The following RPTOR variants were observed in gnomAD, a reference collection of about 807,000 sequenced individuals.
RPTOR encodes regulatory associated protein of MTOR complex 1, also known as regulatory-associated protein of mTOR.
In RPTOR, 21 loss-of-function variants were observed where a neutral mutation model predicts 169.9. The observed-to-expected ratio is 0.12, with a 90% CI of 0.09 to 0.18. The LOEUF is 0.18. RPTOR is among the 10% of genes least tolerant of loss of function. The pLI is 1.00. For missense variants in RPTOR, 1,133 were observed against 1,855.9 expected (o/e 0.61, Z 7.16); for synonymous variants, 732 against 753.2 (o/e 0.97, Z 0.46).
intron 25 of RPTOR, among the ~76,000 whole-genome samples, chr17:80,941,540 G>A (rs980177807): frequency 3.9e-5 from 6 of 152,186 alleles, no homozygotes; most frequent in South Asian, 2.1e-4. Flanking sequence ...CCCTGCCCTC[G>A]CGGCCACAGG....
chr17:80,827,953 G>T (rs943217918), intron 9 of RPTOR, among the ~76,000 whole-genome samples: 1 of 152,220 alleles, frequency 6.6e-6, no homozygotes, highest in Non-Finnish European at 1.5e-5. Context: ...GTAGGGCCAG[G>T]CTGTGGCTCT....
At chr17:80,805,865 A>T (rs59153096) in intron 7 of RPTOR, among the ~76,000 whole-genome samples, 2 of 151,784 alleles carry the variant, frequency 1.3e-5, no homozygotes, top group African/African-American at 2.4e-5. Context: ...TTCTATAGTA[A>T]GTCAGGTAAA....
chr17:80,703,392 G>A (rs750020744), intron 3 of RPTOR, among the ~76,000 whole-genome samples: 19 of 152,132 alleles, frequency 1.2e-4, no homozygotes, highest in Non-Finnish European at 2.8e-4. Context: ...AAAGAGGCTG[G>A]CAGGCGCTCA....
chr17:80,663,418 A>G (rs1171127161), intron 3 of RPTOR, among the ~76,000 whole-genome samples: 1 of 152,188 alleles, frequency 6.6e-6, no homozygotes, highest in African/African-American at 2.4e-5. Context: ...TTGCAAAGCC[A>G]GGCAATCTGC....
chr17:80,684,254 A>G (rs2065918850), intron 3 of RPTOR, among the ~76,000 whole-genome samples: 1 of 151,804 alleles, frequency 6.6e-6, no homozygotes, highest in African/African-American at 2.4e-5. Flanking sequence ...TTCTTTTATG[A>G]GTATGTAAGT....
At chr17:80,858,306 C>A (rs2067878475) in intron 13 of RPTOR, among the ~76,000 whole-genome samples, 1 of 152,242 alleles carries the variant, frequency 6.6e-6, no homozygotes. Context: ...CGCATTGGCT[C>A]TCCTGTGCCC....
At chr17:80,897,073 C>T (rs967967036) in intron 20 of RPTOR, among the ~76,000 whole-genome samples, 2 of 149,170 alleles carry the variant, frequency 1.3e-5, no homozygotes, top group South Asian at 4.3e-4. Flanking sequence ...AAGACCATCC[C>T]GGCCAACATG....
intron 24 of RPTOR, among the ~76,000 whole-genome samples, chr17:80,937,930 T>C (rs980600553): frequency 6.6e-6 from 1 of 152,192 alleles, no homozygotes; most frequent in Non-Finnish European, 1.5e-5. Context: ...TCATAGCTGG[T>C]TGTCCTGACA....
chr17:80,834,863 T>G (rs1226566677), intron 9 of RPTOR, among the ~76,000 whole-genome samples: 2 of 152,352 alleles, frequency 1.3e-5, no homozygotes, highest in East Asian at 3.9e-4. Context: ...CCGGACACCC[T>G]CTCTGCCCTC....
intron 7 of RPTOR, among the ~76,000 whole-genome samples, chr17:80,817,507 C>T (rs897932795): frequency 1.3e-5 from 2 of 151,706 alleles, no homozygotes; most frequent in African/African-American, 2.4e-5. Flanking sequence ...GGGAGGCAAG[C>T]ACCTGCCACG....
chr17:80,587,579 C>T (rs2065071910), intron 1 of RPTOR, among the ~76,000 whole-genome samples: 1 of 152,184 alleles, frequency 6.6e-6, no homozygotes, highest in Admixed American at 6.5e-5. Flanking sequence ...CACACTCCGG[C>T]CCACACTGTT....
intron 1 of RPTOR, among the ~76,000 whole-genome samples, chr17:80,610,003 T>C (rs1283391577): frequency 6.6e-6 from 1 of 152,222 alleles, no homozygotes; most frequent in Non-Finnish European, 1.5e-5. Flanking sequence ...GGGCATGTCC[T>C]GAGGGTTATG....
chr17:80,832,987 C>T (rs1598338799), intron 9 of RPTOR, among the ~76,000 whole-genome samples: 2 of 152,300 alleles, frequency 1.3e-5, no homozygotes, highest in Middle Eastern at 6.8e-3. Flanking sequence ...ATACTCAGAG[C>T]CGGCTTTCTG....
intron 6 of RPTOR, among the ~76,000 whole-genome samples, chr17:80,764,469 T>C (rs1009595274): frequency 6.6e-6 from 1 of 151,970 alleles, no homozygotes; most frequent in African/African-American, 2.4e-5. Flanking sequence ...ATTTCATCCA[T>C]GTCCCTACAA....
In RPTOR at chr17:80,868,062, A is replaced by C. The variant is rs528257034; in HGVS notation, c.1509+10162A>C. Among the ~76,000 whole-genome samples, 4 of 152,352 alleles carry C rather than the reference A, an allele frequency of 2.6e-5. No individual in the cohort carries two copies. In the East Asian group the frequency reaches 7.7e-4, roughly 29 times the overall value. ...CGGAAATAGCTTCAAATGGACAAAC[A>C]GATAATGGAACAGGAAGAAAGTCAG... On this transcript the variant is annotated intron_variant, in intron 13 of 33. Transcript: ENST00000306801.
chr17:80,802,160 G>A (rs1005966491), intron 7 of RPTOR: 6 of 152,262 alleles, frequency 3.9e-5, no homozygotes, highest in African/African-American at 1.2e-4. Flanking sequence ...ACACAGCACG[G>A]AGATCTTCCG....
chr17:80,679,437 G>A (rs2065882641), intron 3 of RPTOR, among the ~76,000 whole-genome samples: 1 of 152,166 alleles, frequency 6.6e-6, no homozygotes, highest in African/African-American at 2.4e-5. Flanking sequence ...TTTGGGGGGT[G>A]GTGGTTAATC....
chr17:80,896,130 C>T (rs1192255430), intron 20 of RPTOR, among the ~76,000 whole-genome samples: 2 of 151,856 alleles, frequency 1.3e-5, no homozygotes, highest in East Asian at 3.9e-4. Flanking sequence ...TAAAATTTTC[C>T]TTTTTTGTGT....
intron 1 of RPTOR, among the ~76,000 whole-genome samples, chr17:80,601,462 G>T (rs957346073): frequency 1.3e-5 from 2 of 151,972 alleles, no homozygotes; most frequent in African/African-American, 4.8e-5. Flanking sequence ...CCGCAGATGG[G>T]CAGAACTTCT....
Sources: gnomAD v4.1 joint callset for allele counts (sites outside exome capture counted in the v4.1 genomes callset) on GRCh38, gnomAD v4.1.1 for gene constraint, MANE v1.5 for transcripts, NCBI Gene and HGNC (gene_info 2026-07-23, HGNC 2026-07-21) for gene names.